AKT3: variants seen among roughly 807,000 people sequenced by gnomAD.
AKT3 encodes RAC-gamma serine/threonine-protein kinase.
In AKT3, 15 loss-of-function variants were observed where a neutral mutation model predicts 65.3. That is an observed-to-expected ratio of 0.23 (90% confidence interval 0.15 to 0.35). The LOEUF (loss-of-function observed/expected upper bound fraction) is 0.35, where lower values mean the gene tolerates loss of function less well. AKT3 is among the 10% of genes least tolerant of loss of function. The pLI is 1.00. For synonymous variants in AKT3, 206 were observed against 183.8 expected (o/e 1.12, Z -0.98); for missense variants, 243 against 576.5 (o/e 0.42, Z 5.92).
intron 10 of AKT3, among the ~76,000 whole-genome samples, chr1:243,553,451 G>A (rs989299135): frequency 6.6e-6 from 1 of 152,098 alleles, no homozygotes; most frequent in Non-Finnish European, 1.5e-5. Flanking sequence ...AAGTCTACAG[G>A]GCAAGACAAC....
At chr1:243,675,182 A>AT (rs780923064) in intron 3 of AKT3, among the ~76,000 whole-genome samples, 3 of 152,186 alleles carry the variant, frequency 2.0e-5, no homozygotes, top group Non-Finnish European at 4.4e-5. Flanking sequence ...AACATATACA[A>AT]AGACCAAGAT....
At chr1:243,515,402 A>C (rs542508888) in intron 12 of AKT3, among the ~76,000 whole-genome samples, 1 of 151,658 alleles carries the variant, frequency 6.6e-6, no homozygotes, top group Non-Finnish European at 1.5e-5. Context: ...AAAAAAAAAA[A>C]CCCAATTCCT....
intron 2 of AKT3, among the ~76,000 whole-genome samples, chr1:243,722,768 C>T (rs1686989129): frequency 6.6e-6 from 1 of 152,088 alleles, no homozygotes; most frequent in Non-Finnish European, 1.5e-5. Flanking sequence ...GCAAATTATA[C>T]CTCAAATATT....
At chr1:243,583,465 G>A (rs1228377906) in intron 8 of AKT3, among the ~76,000 whole-genome samples, 1 of 141,248 alleles carries the variant, frequency 7.1e-6, no homozygotes, top group Admixed American at 7.4e-5. Flanking sequence ...ATCAGCCACA[G>A]AACATACATT....
At position 243,619,738 on chromosome 1, in the gene AKT3, T is replaced by C. The variant is rs776087910; in HGVS notation, c.562-4577A>G. 4.5e-4 allele frequency among the ~76,000 whole-genome samples: 45 copies of C among 99,384 alleles called. 18 individuals carry two copies. The highest frequency in any genetic ancestry group is 9.6e-4 in the Non-Finnish European group (34 of 35,514). 65.2% of individuals were successfully genotyped at this position (99,384 alleles called of 152,430 possible). On this transcript the variant is annotated intron_variant, in intron 6 of 13. Coordinates refer to ENST00000673466, the MANE Select transcript of AKT3 (RefSeq NM_005465.7). ...TACATATATCGCATTTATCCTTTCA[T>C]TCATTGATGGGCACTTAGGTTGATT...
intron 2 of AKT3, among the ~76,000 whole-genome samples, chr1:243,699,098 T>C (rs1199273358): frequency 6.6e-6 from 1 of 152,096 alleles, no homozygotes; most frequent in Non-Finnish European, 1.5e-5. Flanking sequence ...TCCTAGCTTT[T>C]ATGAGGCTAA....
chr1:243,613,595 A>G (rs911483599), intron 8 of AKT3, 76 bp downstream of exon 8: 1 of 1,179,702 alleles, frequency 8.5e-7, no homozygotes, highest in African/African-American at 1.6e-5. Context: ...GCTATATTGT[A>G]ACTTGTATTT....
At chr1:243,754,688 T>C (rs1365489476) in intron 2 of AKT3, among the ~76,000 whole-genome samples, 1 of 152,198 alleles carries the variant, frequency 6.6e-6, no homozygotes, top group Admixed American at 6.5e-5. Flanking sequence ...CTAGGTTGCA[T>C]GGTCCTTTGA....
At chr1:243,514,431 C>T (rs913101801) in intron 12 of AKT3, among the ~76,000 whole-genome samples, 18 of 152,102 alleles carry the variant, frequency 1.2e-4, no homozygotes, top group African/African-American at 3.4e-4. Context: ...CTTTCCTGAC[C>T]GCCTTCTTAC....
chr1:243,765,526 G>A (rs1228040203), intron 2 of AKT3, among the ~76,000 whole-genome samples: 1 of 151,988 alleles, frequency 6.6e-6, no homozygotes. Flanking sequence ...TTCTTATAGA[G>A]TTTACATTCT....
chr1:243,815,497 A>G (rs938839463), intron 2 of AKT3, among the ~76,000 whole-genome samples: 4 of 152,162 alleles, frequency 2.6e-5, no homozygotes, highest in African/African-American at 9.7e-5. Context: ...TCAAGGCTCT[A>G]CATGCTTTCA....
chr1:243,793,188 C>A (rs1467309664), intron 2 of AKT3: 1 of 152,172 alleles, frequency 6.6e-6, no homozygotes, highest in Non-Finnish European at 1.5e-5. Flanking sequence ...ACAAGAAACA[C>A]ACGTTGCAAA....
At chr1:243,813,621 C>A (rs1443700710) in intron 2 of AKT3, among the ~76,000 whole-genome samples, 1 of 151,588 alleles carries the variant, frequency 6.6e-6, no homozygotes, top group East Asian at 1.9e-4. Context: ...GTGTAAGGAC[C>A]CTGGATTTTA....
At position 243,641,273 on chromosome 1, in the gene AKT3, TACACAC is replaced by T. The variant is rs974876841; in HGVS notation, c.430-3537_430-3532del. Among the ~76,000 whole-genome samples, 17 of 144,740 alleles carry T rather than the reference TACACAC, an allele frequency of 1.2e-4. No individual in the cohort carries two copies. In the South Asian group the frequency reaches 3.7e-3, roughly 31 times the overall value. 95.0% of individuals were successfully genotyped at this position (144,740 alleles called of 152,430 possible). A position where few individuals can be genotyped will look rare whatever the true frequency, so the allele number is the denominator to read the frequency against. On this transcript the variant is annotated intron_variant, in intron 5 of 13. Transcript: ENST00000673466. Reference sequence around the variant, plus strand: ...ATGTGTGTGTGTATATATATATATATACACACACACACACACGCACACACACACACA... The same window carrying T: ...ATGTGTGTGTGTATATATATATATATACACACACACGCACACACACACACA...
rs1678623306 is a variant in AKT3, at chr1:243,620,111, G to A, written c.562-4950C>T. On this transcript the variant is annotated intron_variant, in intron 6 of 13. Coordinates refer to ENST00000673466, the MANE Select transcript of AKT3 (RefSeq NM_005465.7). ...ACCTGCTGGGAGGTGACTGGGATCAGGGGGCAGTGTCCCCCACGCTGTTCT... is the reference window on the plus strand; with the variant it reads ...ACCTGCTGGGAGGTGACTGGGATCAAGGGGCAGTGTCCCCCACGCTGTTCT... 2.0e-5 allele frequency among the ~76,000 whole-genome samples: 2 copies of A among 98,018 alleles called. 1 individual carries two copies. Among genetic ancestry groups the A allele is most frequent in the Admixed American group, 2.3e-4 (2 of 8,742 alleles). The allele number at this position is 98,018 out of a possible 152,430, so 64.3% of individuals were successfully genotyped here.
At chr1:243,718,998 G>A (rs1032129100) in intron 2 of AKT3, among the ~76,000 whole-genome samples, 5 of 152,044 alleles carry the variant, frequency 3.3e-5, no homozygotes, top group African/African-American at 4.8e-5. Context: ...TTCCCTTAGG[G>A]ATAATTCCCC....
intron 2 of AKT3, among the ~76,000 whole-genome samples, chr1:243,783,622 TA>T (rs1234632866): frequency 6.6e-6 from 1 of 152,094 alleles, no homozygotes; most frequent in Admixed American, 6.6e-5. Flanking sequence ...TTTTAATTCT[TA>T]AAAAAAATCT....
chr1:243,744,022 T>G (rs542651410), intron 2 of AKT3, among the ~76,000 whole-genome samples: 2 of 152,254 alleles, frequency 1.3e-5, no homozygotes, highest in Non-Finnish European at 2.9e-5. Context: ...CCAACAGAAA[T>G]GTGTATGTAT....
chr1:243,642,883 A>C, intron 5 of AKT3, among the ~76,000 whole-genome samples: 1 of 152,224 alleles, frequency 6.6e-6, no homozygotes. Flanking sequence ...GAACATAAAG[A>C]ACTTCCAAGA....
Sources: gnomAD v4.1 joint callset for allele counts (sites outside exome capture counted in the v4.1 genomes callset) on GRCh38, gnomAD v4.1.1 for gene constraint, MANE v1.5 for transcripts, NCBI Gene and HGNC (gene_info 2026-07-23, HGNC 2026-07-21) for gene names.